Variants in RTP2 observed in about 807,000 individuals in gnomAD.
RTP2 encodes receptor-transporting protein 2.
A neutral mutation model predicts 17.9 loss-of-function variants in RTP2; 12 were observed. That is an observed-to-expected ratio of 0.67 (90% CI 0.43 to 1.09). The LOEUF is 1.09. Among genes scored for constraint, RTP2 ranks in the 50% least tolerant of loss-of-function variants. RTP2 has a pLI of 0.00. For synonymous variants in RTP2, 126 were observed against 117.7 expected (o/e 1.07, Z -0.46); for missense variants, 327 against 295.7 (o/e 1.11, Z -0.78).
At chr3:187,703,670 G>C (rs1411374173), upstream of RTP2, among the ~76,000 whole-genome samples, 1 of 152,184 alleles carries the variant, frequency 6.6e-6, no homozygotes, top group African/African-American at 2.4e-5. Context: ...ACCAGACCAG[G>C]TGAGACAGAG....
At chr3:187,698,308 G>T in exon 2 of RTP2, 1 of 586,648 alleles carries the variant, frequency 1.7e-6, no homozygotes, top group Non-Finnish European at 3.0e-6. Context: ...CCCAATTATT[G>T]TCACATCCAG....
chr3:187,698,987 G>T, exon 2 of RTP2: 1 of 1,591,866 alleles, frequency 6.3e-7, no homozygotes, highest in Middle Eastern at 1.7e-4. Flanking sequence ...ACTGCCAGGT[G>T]TGCCAGCACC....
chr3:187,698,928 C>A lies in RTP2; in HGVS notation c.248G>T (p.Arg83Leu), dbSNP rs759567430. 13 of 1,609,728 alleles carry A rather than the reference C, an allele frequency of 8.1e-6. No homozygotes were observed. The African/African-American group carries it at 1.3e-4, about 17-fold the overall frequency. The change falls in exon 2 of 2, where the codon CGG becomes CTG. Residue 83 changes from arginine (R) to leucine (L), a missense_variant. Physicochemically the swap from Arg to Leu is moderately radical, Grantham distance 102. Transcript: ENST00000358241. Reference sequence around the variant, plus strand: ...GACGCGCATGCGCACCGAGCCCGCCCGCTGGGCGCGGTCCAGGAACATGTG... The same window carrying A: ...GACGCGCATGCGCACCGAGCCCGCCAGCTGGGCGCGGTCCAGGAACATGTG...
intron 1 of RTP2, among the ~76,000 whole-genome samples, chr3:187,699,768 CACACACACACACACATAT>C (rs1175240990): frequency 3.2e-4 from 19 of 58,818 alleles, no homozygotes; most frequent in South Asian, 1.1e-3. Flanking sequence ...CACACACACA[CACACACACACACACATAT>C]ATTTTCTCTC....
upstream of RTP2, among the ~76,000 whole-genome samples, chr3:187,703,390 A>T (rs1305060939): frequency 6.6e-6 from 1 of 152,184 alleles, no homozygotes. Flanking sequence ...ATGTCACTGG[A>T]TTCTCTCTTG....
At chr3:187,708,590 G>A in the RTP2 span, among the ~76,000 whole-genome samples, 1 of 152,180 alleles carries the variant, frequency 6.6e-6, no homozygotes, top group African/African-American at 2.4e-5. Flanking sequence ...TGATTCTCGA[G>A]GCATCAGAAG....
rs143723511 is a variant in RTP2, at chr3:187,700,064, T to C, written c.165-1053A>G. On this transcript the variant is annotated intron_variant, in intron 1 of 1. Transcript: ENST00000358241. ...ACTGGGCTGTCCCTGTCCTCATCAC[T>C]GGCCCTTTCTGGATCCATTGTATGA... 8.8e-3 allele frequency among the ~76,000 whole-genome samples: 1,343 copies of C among 152,348 alleles called. 15 individuals are homozygous for C. Among genetic ancestry groups the C allele is most frequent in the South Asian group, 0.041 (196 of 4,834 alleles).
the RTP2 span, among the ~76,000 whole-genome samples, chr3:187,708,817 A>G: frequency 6.6e-6 from 1 of 152,310 alleles, no homozygotes; most frequent in Admixed American, 6.5e-5. Flanking sequence ...CATTTGACAT[A>G]AGAGGAAACT....
the RTP2 span, among the ~76,000 whole-genome samples, chr3:187,709,650 A>G: frequency 2.0e-5 from 3 of 152,156 alleles, no homozygotes. Context: ...ACACCATTGC[A>G]CTCCAGCCTG....
In RTP2 at chr3:187,700,902, A is replaced by G. The variant is rs551618229; in HGVS notation, c.164+1063T>C. On this transcript the variant is annotated intron_variant, in intron 1 of 1. Coordinates refer to ENST00000358241, the Ensembl canonical transcript of RTP2. ...TCTGGTTTTCTGTCTTTTTTTCACA[A>G]GGCAGGTTTACTCCAATAATTCCAG... is the stretch of plus-strand genomic sequence containing the variant. Among the ~76,000 whole-genome samples the G allele has an allele frequency of 1.3e-5, 2 of 152,254 alleles. 1 individual carries two copies. Among genetic ancestry groups the G allele is most frequent in the South Asian group, 4.1e-4 (2 of 4,822 alleles).
chr3:187,712,028 C>T, the RTP2 span, among the ~76,000 whole-genome samples: 1 of 152,122 alleles, frequency 6.6e-6, no homozygotes, highest in African/African-American at 2.4e-5. Context: ...CACAAATGGT[C>T]TTCGAGATGA....
the RTP2 span, among the ~76,000 whole-genome samples, chr3:187,714,356 C>A: frequency 6.6e-6 from 1 of 152,192 alleles, no homozygotes; most frequent in Non-Finnish European, 1.5e-5. Context: ...CAGAGTGGAA[C>A]TTTACACACA....
exon 2 of RTP2, chr3:187,698,421 T>C: frequency 7.6e-7 from 1 of 1,311,720 alleles, no homozygotes; most frequent in African/African-American, 1.5e-5. Context: ...ATGTTGAATC[T>C]GTAGCAGGAT....
At chr3:187,714,020 G>A in the RTP2 span, among the ~76,000 whole-genome samples, 1 of 152,184 alleles carries the variant, frequency 6.6e-6, no homozygotes, top group Non-Finnish European at 1.5e-5. Context: ...AAGTCAGAAG[G>A]CAAATGGTCT....
chr3:187,711,045 T>A, the RTP2 span, among the ~76,000 whole-genome samples: 1 of 152,240 alleles, frequency 6.6e-6, no homozygotes, highest in South Asian at 2.1e-4. Context: ...GTGCTCTCAC[T>A]GATCCTAATA....
At chr3:187,708,587 C>T in the RTP2 span, among the ~76,000 whole-genome samples, 508 of 152,268 alleles carry the variant, frequency 3.3e-3, 2 homozygotes, top group African/African-American at 0.012. Flanking sequence ...AGCTGATTCT[C>T]GAGGCATCAG....
the RTP2 span, among the ~76,000 whole-genome samples, chr3:187,711,623 A>G: frequency 1.3e-5 from 2 of 152,296 alleles, no homozygotes; most frequent in Admixed American, 6.5e-5. Flanking sequence ...TAATTCTTAA[A>G]CATTTATGCT....
At chr3:187,698,474 C>G in exon 2 of RTP2, 2 of 1,573,468 alleles carry the variant, frequency 1.3e-6, no homozygotes, top group Non-Finnish European at 1.7e-6. Flanking sequence ...CCCATGTGCC[C>G]TCTCCCACCC....
At chr3:187,700,801 G>C (rs528930257) in intron 1 of RTP2, among the ~76,000 whole-genome samples, 81 of 152,344 alleles carry the variant, frequency 5.3e-4, no homozygotes, top group African/African-American at 1.8e-3. Context: ...GTTAGAGGCA[G>C]AGCCAGTGCT....
Sources: gnomAD v4.1 joint callset for allele counts (sites outside exome capture counted in the v4.1 genomes callset) on GRCh38, gnomAD v4.1.1 for gene constraint, MANE v1.5 for transcripts, NCBI Gene and HGNC (gene_info 2026-07-23, HGNC 2026-07-21) for gene names.